Variants in SHC4 observed in about 807,000 individuals in gnomAD.
SHC4 encodes the protein SHC-transforming protein 4.
SHC4 carries 41 observed loss-of-function variants against 69.4 expected under a neutral mutation model. That is an observed-to-expected ratio of 0.59 (90% CI 0.46 to 0.77). The LOEUF (loss-of-function observed/expected upper bound fraction) is 0.77. Among genes scored for constraint, SHC4 ranks in the 30% least tolerant of loss-of-function variants. SHC4 has a pLI of 0.00. For synonymous variants in SHC4, 318 were observed against 299.3 expected, an observed-to-expected ratio of 1.06 and a Z score of -0.64; for missense variants, 777 against 783.8, an observed-to-expected ratio of 0.99 and a Z score of 0.10.
At chr15:48,832,553 T>A (rs1182947068) in intron 11 of SHC4, among the ~76,000 whole-genome samples, 1 of 152,162 alleles carries the variant, frequency 6.6e-6, no homozygotes, top group African/African-American at 2.4e-5. Flanking sequence ...TCTTCTTGAA[T>A]CTGATGTTCA....
intron 11 of SHC4, among the ~76,000 whole-genome samples, chr15:48,828,334 CCT>C (rs1411697483): frequency 2.6e-5 from 4 of 152,008 alleles, no homozygotes; most frequent in Non-Finnish European, 5.9e-5. Flanking sequence ...ACAGGATTTC[CCT>C]CTTTTCTATG....
chr15:48,938,509 ATTC>A (rs2141032196), intron 1 of SHC4: 1 of 152,212 alleles, frequency 6.6e-6, no homozygotes, highest in East Asian at 1.9e-4. Context: ...AATATTTCCA[ATTC>A]TTCATCTTCC....
intron 1 of SHC4, among the ~76,000 whole-genome samples, chr15:48,950,428 T>G (rs957759905): frequency 6.6e-6 from 1 of 152,160 alleles, no homozygotes; most frequent in South Asian, 2.1e-4. Flanking sequence ...CTGATGTATA[T>G]GACTGTGTCT....
intron 3 of SHC4, among the ~76,000 whole-genome samples, chr15:48,887,943 C>A (rs1417660527): frequency 6.6e-6 from 1 of 152,062 alleles, no homozygotes; most frequent in African/African-American, 2.4e-5. Flanking sequence ...AAGATGAAAT[C>A]ATAAAGAAAC....
intron 11 of SHC4, among the ~76,000 whole-genome samples, chr15:48,831,998 C>T (rs778280451): frequency 2.0e-5 from 3 of 152,178 alleles, no homozygotes; most frequent in Non-Finnish European, 2.9e-5. Context: ...TGGCCAGGAA[C>T]GGTGGCTCAC....
At chr15:48,894,378 C>A (rs992796477) in intron 2 of SHC4, among the ~76,000 whole-genome samples, 5 of 152,012 alleles carry the variant, frequency 3.3e-5, no homozygotes, top group Admixed American at 6.6e-5. Context: ...GATAAGTAAT[C>A]CTTTAAAATA....
chr15:48,907,186 A>G (rs1012575700), intron 2 of SHC4, among the ~76,000 whole-genome samples: 4 of 151,840 alleles, frequency 2.6e-5, no homozygotes, highest in African/African-American at 7.3e-5. Context: ...ACCAATGATA[A>G]CGGTCATGGT....
At chr15:48,953,106 G>A (rs1294555631) in intron 1 of SHC4, among the ~76,000 whole-genome samples, 2 of 152,194 alleles carry the variant, frequency 1.3e-5, no homozygotes, top group African/African-American at 4.8e-5. Flanking sequence ...ATGAGATCAT[G>A]TCCTTTGCAG....
chr15:48,886,501 A>G (rs1261697014), intron 3 of SHC4, among the ~76,000 whole-genome samples: 2 of 152,300 alleles, frequency 1.3e-5, no homozygotes, highest in East Asian at 3.9e-4. Context: ...AGCGGAAAGC[A>G]CACAGGATGG....
At chr15:48,841,907 G>A (rs1007772555) in intron 10 of SHC4, among the ~76,000 whole-genome samples, 6 of 152,166 alleles carry the variant, frequency 3.9e-5, no homozygotes, top group African/African-American at 1.4e-4. Flanking sequence ...ACGGTCTGCT[G>A]AGATCCAGGC....
rs181304662 is a variant in SHC4 at position 48,920,273 on chromosome 15, G to A, written c.656+4606C>T. Reference sequence around the variant, plus strand: ...CCTGACCTCATGATCTGCCCGCCTCGGCCTCCCAAAGTGCTGGGATTACAG... The same window carrying A: ...CCTGACCTCATGATCTGCCCGCCTCAGCCTCCCAAAGTGCTGGGATTACAG... On this transcript the variant is annotated intron_variant, in intron 2 of 11. Coordinates refer to ENST00000332408, the MANE Select transcript of SHC4 (RefSeq NM_203349.4). Among the ~76,000 whole-genome samples, 455 of 151,242 alleles carry A rather than the reference G, an allele frequency of 3.0e-3. 6 individuals are homozygous for A. Among genetic ancestry groups the A allele is most frequent in the African/African-American group, 0.01 (427 of 41,204 alleles).
At chr15:48,891,754 ATAT>A (rs1900141564) in intron 2 of SHC4, among the ~76,000 whole-genome samples, 1 of 152,236 alleles carries the variant, frequency 6.6e-6, no homozygotes, top group South Asian at 2.1e-4. Flanking sequence ...GTTTTTATAT[ATAT>A]TATATTTCAC....
At chr15:48,889,555 C>T (rs1000545009) in intron 3 of SHC4, among the ~76,000 whole-genome samples, 2 of 152,054 alleles carry the variant, frequency 1.3e-5, no homozygotes, top group Non-Finnish European at 2.9e-5. Context: ...TCTTAAAAAA[C>T]CCTTCTCCGC....
intron 2 of SHC4, among the ~76,000 whole-genome samples, chr15:48,915,885 G>C (rs114189934): frequency 6.6e-6 from 1 of 152,044 alleles, no homozygotes; most frequent in Non-Finnish European, 1.5e-5. Flanking sequence ...ATGTTCCCTT[G>C]TCTGCTAAAT....
Position 48,960,479 on chromosome 15 carries a change from A to G in SHC4, c.585+1952T>C, listed in dbSNP as rs775899814. ...CATGAAAATATTTCCATTATGTGCC[A>G]TGTCACTGTGGGTGAGGGCGAGAGC... On this transcript the variant is annotated intron_variant, in intron 1 of 11. Transcript: ENST00000332408. Among the ~76,000 whole-genome samples, 43 of 152,348 alleles carry G rather than the reference A, an allele frequency of 2.8e-4. No homozygotes were observed. The Middle Eastern group carries it at 0.01, about 36-fold the overall frequency.
rs773564941 is a variant in SHC4, at chr15:48,843,556, G to T, written c.1336C>A (p.Arg446=). The T allele has an allele frequency of 6.2e-7, 1 of 1,614,074 alleles. No homozygotes were observed. The highest frequency in any genetic ancestry group is 2.2e-5 in the East Asian group (1 of 44,888). The change falls in exon 10 of 12, where the codon CGA becomes AGA. Residue 446 remains arginine, a synonymous_variant. Transcript: ENST00000332408. The part of the protein sequence containing the change: ...NVHPRGVQSQ[R]DTSLLKHTCR... ...GTGTGCTTCAATAATGAGGTATCTCGCTGGGACTGCACCCCTCTTGGATGG... is the reference window on the plus strand; with the variant it reads ...GTGTGCTTCAATAATGAGGTATCTCTCTGGGACTGCACCCCTCTTGGATGG...
At chr15:48,830,587 A>G (rs548120351) in intron 11 of SHC4, among the ~76,000 whole-genome samples, 1 of 152,328 alleles carries the variant, frequency 6.6e-6, no homozygotes, top group East Asian at 1.9e-4. Flanking sequence ...AAAGGAAAGG[A>G]AAGTGCAGGC....
At chr15:48,910,859 T>A (rs1188848304) in intron 2 of SHC4, among the ~76,000 whole-genome samples, 1 of 152,206 alleles carries the variant, frequency 6.6e-6, no homozygotes, top group East Asian at 1.9e-4. Context: ...TTAATTTCCA[T>A]GTATTTGCAG....
intron 1 of SHC4, 124 bp downstream of exon 1, chr15:48,962,307 C>T: frequency 2.0e-6 from 2 of 1,004,708 alleles, no homozygotes; most frequent in Non-Finnish European, 2.8e-6. Flanking sequence ...CGCCTTGGTC[C>T]AGTTGAATCA....
Sources: allele counts gnomAD v4.1 joint callset (sites outside exome capture counted in the v4.1 genomes callset), GRCh38; gene constraint gnomAD v4.1.1; transcripts MANE v1.5; gene names NCBI Gene and HGNC (gene_info 2026-07-23, HGNC 2026-07-21).